PVT1: variants seen among roughly 807,000 people sequenced by gnomAD.
PVT1 encodes Pvt1 oncogene, also known as CXCR4/PVT1 fusion.
At position 127,979,703 on chromosome 8, in the gene PVT1, C is replaced by T. The variant is rs184233423; in HGVS notation, n.783-9459C>T. Among the ~76,000 whole-genome samples, 56 of 152,288 alleles carry T rather than the reference C, an allele frequency of 3.7e-4. No homozygotes were observed. In the Middle Eastern group the frequency reaches 0.02, roughly 55 times the overall value. ...TGAATTGAGGTGAGGGTTGATCAGT[C>T]ATTTCATGTGCCCCCGACCCCACCA... On this transcript the variant is annotated intron_variant and non_coding_transcript_variant, in intron 3 of 10. Transcript: ENST00000651587.
At chr8:127,857,985 G>C (rs1413634328) in intron 2 of PVT1, among the ~76,000 whole-genome samples, 2 of 152,222 alleles carry the variant, frequency 1.3e-5, no homozygotes, top group Non-Finnish European at 2.9e-5. Flanking sequence ...GAAATAAAGA[G>C]AATGGAGTTG....
intron 4 of PVT1, among the ~76,000 whole-genome samples, chr8:128,023,541 G>T (rs1817461625): frequency 1.3e-5 from 2 of 152,156 alleles, no homozygotes; most frequent in African/African-American, 4.8e-5. Flanking sequence ...TCCTGCCAGG[G>T]CATGGGTTGG....
At chr8:128,019,149 G>A (rs1474246896) in intron 4 of PVT1, among the ~76,000 whole-genome samples, 6 of 152,326 alleles carry the variant, frequency 3.9e-5, no homozygotes, top group South Asian at 4.1e-4. Flanking sequence ...AGGCAGCCAC[G>A]GTGCCCAGGA....
intron 3 of PVT1, among the ~76,000 whole-genome samples, chr8:127,915,001 T>A (rs1815965245): frequency 6.6e-6 from 1 of 151,976 alleles, no homozygotes; most frequent in African/African-American, 2.4e-5. Context: ...AATTTTGTAT[T>A]TTTGGTAGAG....
chr8:127,826,492 G>A (rs1023413473), intron 2 of PVT1, among the ~76,000 whole-genome samples: 1 of 152,172 alleles, frequency 6.6e-6, no homozygotes, highest in Non-Finnish European at 1.5e-5. Flanking sequence ...TTCAGAGTCA[G>A]AAGGGACCCA....
At chr8:127,866,260 G>A (rs900741030) in intron 2 of PVT1, among the ~76,000 whole-genome samples, 3 of 152,148 alleles carry the variant, frequency 2.0e-5, no homozygotes, top group African/African-American at 7.2e-5. Context: ...TCCATAACAC[G>A]TATCCCAACT....
intron 5 of PVT1, among the ~76,000 whole-genome samples, chr8:128,090,514 G>A (rs1171338088): frequency 1.3e-5 from 2 of 152,174 alleles, no homozygotes; most frequent in African/African-American, 2.4e-5. Context: ...TTTGTCACTT[G>A]TTAGGCTTTG....
At chr8:127,839,250 A>G (rs944064981) in intron 2 of PVT1, among the ~76,000 whole-genome samples, 10 of 152,200 alleles carry the variant, frequency 6.6e-5, no homozygotes, top group African/African-American at 2.2e-4. Context: ...AAGGTCACCC[A>G]TATAATAAAA....
At chr8:127,888,016 C>T (rs1343874835) in intron 2 of PVT1, among the ~76,000 whole-genome samples, 1 of 129,972 alleles carries the variant, frequency 7.7e-6, no homozygotes, top group African/African-American at 2.8e-5. Flanking sequence ...TCTTGGCTCA[C>T]TACAACCTCG....
intron 2 of PVT1, among the ~76,000 whole-genome samples, chr8:127,806,672 A>C (rs1814532554): frequency 1.3e-5 from 2 of 152,160 alleles, no homozygotes; most frequent in South Asian, 4.1e-4. Flanking sequence ...GTTCACCCAG[A>C]TTCCCTCCTG....
At chr8:127,871,232 G>A (rs1815348583) in intron 2 of PVT1, among the ~76,000 whole-genome samples, 1 of 152,218 alleles carries the variant, frequency 6.6e-6, no homozygotes, top group African/African-American at 2.4e-5. Context: ...CTGCGTATAA[G>A]TGACACTCCT....
intron 4 of PVT1, among the ~76,000 whole-genome samples, chr8:128,026,393 G>GT (rs1271824750): frequency 6.6e-6 from 1 of 152,008 alleles, no homozygotes; most frequent in Non-Finnish European, 1.5e-5. Context: ...TCTCTGCTCT[G>GT]TTTTTTGTTT....
rs1454240867 is a variant in PVT1, at chr8:127,838,071, A to AT, written n.372+42005dup. On this transcript the variant is annotated intron_variant and non_coding_transcript_variant, in intron 2 of 10. Transcript: ENST00000651587. ...CGCCACCATGCCCGGCTAATTTTGT[A>AT]TTTTTAGTAGGGATGGGGTTTCTCT... 3.3e-5 allele frequency among the ~76,000 whole-genome samples: 5 copies of AT among 151,586 alleles called. No individual in the cohort carries two copies. In the South Asian group the frequency reaches 1.1e-3, roughly 32 times the overall value.
At position 127,868,787 on chromosome 8, in the gene PVT1, A is replaced by ACG. The variant is rs756298457; in HGVS notation, n.373-21802_373-21801insCG. ...CCTTTTAACATATATATATATATAT[A>ACG]TATATACATATATATGTACATATAT... On this transcript the variant is annotated intron_variant and non_coding_transcript_variant, in intron 2 of 10. Coordinates refer to ENST00000651587, the Ensembl canonical transcript of PVT1. Among the ~76,000 whole-genome samples, 239 of 75,040 alleles carry ACG rather than the reference A, an allele frequency of 3.2e-3. 2 individuals are homozygous for ACG. The highest frequency in any genetic ancestry group is 9.9e-3 in the East Asian group (23 of 2,334). The allele number at this position is 75,040 out of a possible 152,430, so 49.2% of individuals were successfully genotyped here. A position where few individuals can be genotyped will look rare whatever the true frequency, so the allele number is the denominator to read the frequency against.
intron 6 of PVT1, chr8:128,101,222 G>A (rs369622952): frequency 3.9e-5 from 6 of 152,296 alleles, no homozygotes; most frequent in East Asian, 3.9e-4. Context: ...TGGCGTGGCC[G>A]GCCTCGTGTC....
chr8:127,925,116 A>G (rs1268682059), intron 3 of PVT1, among the ~76,000 whole-genome samples: 2 of 152,122 alleles, frequency 1.3e-5, no homozygotes, highest in Non-Finnish European at 2.9e-5. Flanking sequence ...CTACAAATAT[A>G]CCTATCCTGG....
At chr8:128,071,689 A>AATAAATAAATAC (rs1230076156) in intron 5 of PVT1, among the ~76,000 whole-genome samples, 3 of 148,738 alleles carry the variant, frequency 2.0e-5, no homozygotes, top group African/African-American at 7.4e-5. Context: ...CTGTCTCTAA[A>AATAAATAAATAC]ATAAATAAAT....
Position 127,900,430 on chromosome 8 carries a change from A to T in PVT1, n.782+9432A>T, listed in dbSNP as rs555858925. Among the ~76,000 whole-genome samples the T allele has an allele frequency of 8.5e-5, 13 of 152,232 alleles. No homozygotes were observed. In the East Asian group the frequency reaches 2.5e-3, roughly 29 times the overall value. On this transcript the variant is annotated intron_variant and non_coding_transcript_variant, in intron 3 of 10. Transcript: ENST00000651587. ...TCTCCCATTCCCCATCCTTCTCTTC[A>T]TACAAGTACCTCTCCTGAACTTGGG...
At chr8:127,962,737 C>T (rs565368677) in intron 3 of PVT1, among the ~76,000 whole-genome samples, 1 of 152,092 alleles carries the variant, frequency 6.6e-6, no homozygotes, top group Admixed American at 6.5e-5. Context: ...GCTGGGATTA[C>T]AGGGGCACAC....
Sources: gnomAD v4.1 joint callset for allele counts (sites outside exome capture counted in the v4.1 genomes callset) on GRCh38, gnomAD v4.1.1 for gene constraint, MANE v1.5 for transcripts, NCBI Gene and HGNC (gene_info 2026-07-23, HGNC 2026-07-21) for gene names.